CSNK1G1: variants seen among roughly 807,000 people sequenced by gnomAD.
The protein encoded by CSNK1G1 is casein kinase I isoform gamma-1.
CSNK1G1 carries 22 observed loss-of-function variants against 59.6 expected under a neutral mutation model. The observed-to-expected ratio is 0.37, with a 90% CI of 0.26 to 0.53. The LOEUF (loss-of-function observed/expected upper bound fraction) is 0.53, where lower values mean the gene tolerates loss of function less well. Among genes scored for constraint, CSNK1G1 ranks in the 20% least tolerant of loss-of-function variants. The pLI, the probability that CSNK1G1 is intolerant of heterozygous loss-of-function variation, is 0.89. For synonymous variants in CSNK1G1, 179 were observed against 177.1 expected (o/e 1.01, Z -0.08); for missense variants, 384 against 519.5 (o/e 0.74, Z 2.54).
chr15:64,276,592 C>T (rs1208187255), intron 2 of CSNK1G1, among the ~76,000 whole-genome samples: 4 of 151,922 alleles, frequency 2.6e-5, no homozygotes, highest in Non-Finnish European at 2.9e-5. Flanking sequence ...GAGTGACGTA[C>T]CAATGAGATA....
At chr15:64,304,853 T>G (rs1895580025) in intron 1 of CSNK1G1, among the ~76,000 whole-genome samples, 2 of 152,230 alleles carry the variant, frequency 1.3e-5, no homozygotes, top group South Asian at 4.1e-4. Flanking sequence ...GGTATAGGAC[T>G]GCTGGATCAT....
chr15:64,245,301 G>A (rs1392780968), intron 4 of CSNK1G1, among the ~76,000 whole-genome samples: 1 of 152,186 alleles, frequency 6.6e-6, no homozygotes, highest in Non-Finnish European at 1.5e-5. Flanking sequence ...ACAACTGAGT[G>A]AAGAGACAAC....
intron 1 of CSNK1G1, chr15:64,335,840 C>G (rs1897360165): frequency 6.6e-6 from 1 of 152,062 alleles, no homozygotes; most frequent in Non-Finnish European, 1.5e-5. Flanking sequence ...CTGTATTGTC[C>G]TAGTCATTTC....
intron 4 of CSNK1G1, among the ~76,000 whole-genome samples, chr15:64,223,395 AAC>A (rs1212233078): frequency 6.6e-6 from 1 of 152,224 alleles, no homozygotes; most frequent in African/African-American, 2.4e-5. Context: ...ACATGCGGTA[AAC>A]AGGTACTTTC....
chr15:64,188,756 AC>A lies in CSNK1G1; in HGVS notation c.1108-8303del, dbSNP rs1219710910. On this transcript the variant is annotated intron_variant, in intron 10 of 11. Transcript: ENST00000303052. This position sits in a 1 kb window ranked among gnomAD's most constrained non-coding sequence, Gnocchi z 4.2. ...CCAAAAGAGGAGGGAGGGGGAAAAA[AC>A]ACACAGTCAAAGCTGGGATCATCTT... Among the ~76,000 whole-genome samples the A allele has an allele frequency of 2.0e-5, 3 of 150,850 alleles. No individual in the cohort carries two copies. In the East Asian group the frequency reaches 6.1e-4, roughly 30 times the overall value.
chr15:64,346,457 T>C (rs1897982293), intron 1 of CSNK1G1, among the ~76,000 whole-genome samples: 1 of 150,656 alleles, frequency 6.6e-6, no homozygotes, highest in Non-Finnish European at 1.5e-5. Flanking sequence ...TTTATTTATT[T>C]ATTTATTTAT....
chr15:64,191,707 C>T (rs1315778509), intron 10 of CSNK1G1, among the ~76,000 whole-genome samples: 2 of 152,138 alleles, frequency 1.3e-5, no homozygotes, highest in African/African-American at 4.8e-5. Flanking sequence ...CTAATGTTAA[C>T]ACTCTAGATT....
At chr15:64,255,170 G>A (rs537041397) in intron 3 of CSNK1G1, among the ~76,000 whole-genome samples, 51 of 152,080 alleles carry the variant, frequency 3.4e-4, no homozygotes, top group Non-Finnish European at 2.5e-4. Flanking sequence ...TCCACCTCCC[G>A]GGTTCAAGCA....
At chr15:64,229,528 T>TTCTCTCTCTCTTTC (rs2082513717) in intron 4 of CSNK1G1, among the ~76,000 whole-genome samples, 1 of 144,244 alleles carries the variant, frequency 6.9e-6, no homozygotes, top group African/African-American at 2.6e-5. Context: ...CTCTCTCTCT[T>TTCTCTCTCTCTTTC]TCTCTCTCTC....
chr15:64,179,217 G>GC (rs2081779000), intron 11 of CSNK1G1, among the ~76,000 whole-genome samples: 2 of 152,116 alleles, frequency 1.3e-5, no homozygotes, highest in Admixed American at 1.3e-4. Flanking sequence ...CTGCACTCCA[G>GC]CTTTGGCAAC....
At chr15:64,352,124 T>C (rs1214197348) in intron 1 of CSNK1G1, among the ~76,000 whole-genome samples, 1 of 151,956 alleles carries the variant, frequency 6.6e-6, no homozygotes, top group Non-Finnish European at 1.5e-5. Flanking sequence ...CTGGCCAACA[T>C]GGCCAACACC....
intron 10 of CSNK1G1, among the ~76,000 whole-genome samples, chr15:64,195,915 T>C (rs755646204): frequency 4.2e-4 from 64 of 152,186 alleles, no homozygotes; most frequent in Non-Finnish European, 8.7e-4. Flanking sequence ...GTTCTCTAGT[T>C]AGGTAAAATT....
intron 1 of CSNK1G1, among the ~76,000 whole-genome samples, chr15:64,344,724 A>T (rs1405154857): frequency 1.3e-5 from 2 of 152,218 alleles, no homozygotes; most frequent in African/African-American, 4.8e-5. Context: ...ATAAGACTAC[A>T]CTGAATTCCA....
intron 2 of CSNK1G1, among the ~76,000 whole-genome samples, chr15:64,290,391 C>T (rs1017921191): frequency 3.9e-5 from 6 of 151,912 alleles, no homozygotes; most frequent in South Asian, 2.1e-4. Context: ...ACTACTATTC[C>T]GCCCTTAAAA....
chr15:64,327,118 G>C (rs979525435), intron 1 of CSNK1G1, among the ~76,000 whole-genome samples: 5 of 152,068 alleles, frequency 3.3e-5, no homozygotes, highest in African/African-American at 1.2e-4. Context: ...CCATTGCCCA[G>C]GCTTGCTTAG....
chr15:64,294,099 G>A (rs1894884291), intron 2 of CSNK1G1, among the ~76,000 whole-genome samples: 1 of 152,134 alleles, frequency 6.6e-6, no homozygotes, highest in Admixed American at 6.5e-5. Flanking sequence ...TTGAGACGGA[G>A]TCTCACTCTG....
chr15:64,308,930 C>T (rs1052258245), intron 1 of CSNK1G1, among the ~76,000 whole-genome samples: 2 of 151,796 alleles, frequency 1.3e-5, no homozygotes, highest in Non-Finnish European at 2.9e-5. Flanking sequence ...GGCTTGAGGT[C>T]ATTCCAGATC....
chr15:64,271,295 T>G lies in CSNK1G1; in HGVS notation c.182-12054A>C, dbSNP rs530860005. On this transcript the variant is annotated intron_variant, in intron 2 of 11. Coordinates refer to ENST00000303052, the MANE Select transcript of CSNK1G1 (RefSeq NM_022048.5). ...GAGCCACTGAACTCGGCCAATTTAT[T>G]TATTTATTTTGAGACAGGGTCTCAC... Among the ~76,000 whole-genome samples, 13 of 151,504 alleles carry G rather than the reference T, an allele frequency of 8.6e-5. No homozygotes were observed. The East Asian group carries it at 2.5e-3, about 29-fold the overall frequency.
chr15:64,203,015 G>A (rs922737799), intron 10 of CSNK1G1, 67 bp downstream of exon 10: 4 of 1,142,980 alleles, frequency 3.5e-6, no homozygotes, highest in Admixed American at 1.8e-5. Context: ...AGAAGCTGAA[G>A]AATTTGGGTT....
Sources: allele counts gnomAD v4.1 joint callset (sites outside exome capture counted in the v4.1 genomes callset), GRCh38; gene constraint gnomAD v4.1.1; non-coding constraint Gnocchi (gnomAD v3.1); transcripts MANE v1.5; gene names NCBI Gene and HGNC (gene_info 2026-07-23, HGNC 2026-07-21).